MYO9B: variants seen among roughly 807,000 people sequenced by gnomAD.
MYO9B encodes myosin IXB.
MYO9B carries 71 observed loss-of-function variants against 229.5 expected under a neutral mutation model. The ratio of observed to expected loss-of-function variants is 0.31; its 90% CI spans 0.26 to 0.38. The LOEUF (loss-of-function observed/expected upper bound fraction) is 0.38. MYO9B is among the 10% of genes least tolerant of loss of function. The pLI is 1.00. For missense variants in MYO9B, 2,255 were observed against 2,920.5 expected, an observed-to-expected ratio of 0.77 and a Z score of 5.25; for synonymous variants, 1,185 against 1,235.8, an observed-to-expected ratio of 0.96 and a Z score of 0.86.
intron 17 of MYO9B, among the ~76,000 whole-genome samples, chr19:17,185,353 G>T (rs1206505768): frequency 1.4e-5 from 2 of 143,308 alleles, no homozygotes; most frequent in African/African-American, 5.3e-5. Flanking sequence ...CAGCCTGGGC[G>T]ACAGAGCAAG....
intron 8 of MYO9B, among the ~76,000 whole-genome samples, chr19:17,161,417 G>A (rs1042394278): frequency 1.3e-5 from 2 of 152,106 alleles, no homozygotes; most frequent in Non-Finnish European, 1.5e-5. Flanking sequence ...AGTGGCTCAC[G>A]CATGTAATCC....
chr19:17,196,200 G>A (rs1229186643), intron 22 of MYO9B, among the ~76,000 whole-genome samples: 3 of 151,530 alleles, frequency 2.0e-5, no homozygotes, highest in Admixed American at 2.0e-4. Context: ...AAGGATGGAT[G>A]GAAGGAAGAT....
chr19:17,080,110 T>C (rs942081467), intron 1 of MYO9B, among the ~76,000 whole-genome samples: 1 of 152,186 alleles, frequency 6.6e-6, no homozygotes, highest in Non-Finnish European at 1.5e-5. Flanking sequence ...GTTCAGCCCA[T>C]GGGTTCGTCG....
chr19:17,100,694 C>A (rs1395119500), intron 1 of MYO9B, among the ~76,000 whole-genome samples: 1 of 152,082 alleles, frequency 6.6e-6, no homozygotes, highest in African/African-American at 2.4e-5. Flanking sequence ...CTTGGGACCA[C>A]CAGCCATATT....
At chr19:17,206,225 G>GGGGGGCCCCCC in intron 32 of MYO9B, 23 bp from the exon 33 acceptor site, 23 of 1,564,634 alleles carry the variant, frequency 1.5e-5, no homozygotes, top group Non-Finnish European at 1.8e-5. Flanking sequence ...CCGCTCACCA[G>GGGGGGCCCCCC]ACCCACCCCA....
rs370689291 is a variant in MYO9B, at chr19:17,194,943, G to T, written c.3516G>T (p.Glu1172Asp). 45 of 1,613,320 alleles carry T rather than the reference G, an allele frequency of 2.8e-5. No individual in the cohort carries two copies. Among genetic ancestry groups the T allele is most frequent in the Non-Finnish European group, 3.7e-5 (44 of 1,179,898 alleles). Residue 1172 changes from glutamate to aspartate, a missense_variant, in exon 22 of 40, where the codon GAG becomes GAT. Transcript: ENST00000682292. ...AACACATCCAGTCCTGCAAGGAGGA[G>T]AGTGCCCTCAGAGAACCTTCCAGAA... ...QNKHIQSCKE[E>D]SALREPSRRV...
At chr19:17,095,082 T>C (rs1011075661) in intron 1 of MYO9B, among the ~76,000 whole-genome samples, 3 of 152,014 alleles carry the variant, frequency 2.0e-5, no homozygotes, top group East Asian at 1.9e-4. Flanking sequence ...CTACCAAAAA[T>C]AGAAAAATTA....
In MYO9B at chr19:17,154,173, G is replaced by A. The variant is rs900279322; in HGVS notation, c.1098+107G>A. 59 of 1,324,320 alleles carry A rather than the reference G, an allele frequency of 4.5e-5. 2 individuals are homozygous for A. The highest frequency in any genetic ancestry group is 3.9e-4 in the South Asian group (33 of 84,062). The allele number at this position is 1,324,320 out of a possible 1,614,324, so 82.0% of individuals were successfully genotyped here. ...GCAGCCTGCCCTGGCCCCCGAACCC[G>A]CTCCCAGAAGGCAGCATTAAAAGAA... On this transcript the variant is annotated intron_variant, in intron 5 of 39. Transcript: ENST00000682292.
chr19:17,158,819 A>G (rs749247917), intron 7 of MYO9B, among the ~76,000 whole-genome samples: 173 of 152,308 alleles, frequency 1.1e-3, no homozygotes, highest in Non-Finnish European at 2.0e-3. Flanking sequence ...AGGCCTGTAC[A>G]TACACATACC....
intron 2 of MYO9B, among the ~76,000 whole-genome samples, chr19:17,104,858 T>C (rs2057778366): frequency 6.6e-6 from 1 of 152,200 alleles, no homozygotes; most frequent in African/African-American, 2.4e-5. Flanking sequence ...TATTTATATT[T>C]TGCATTCGTG....
chr19:17,159,201 C>G (rs950789792), intron 7 of MYO9B, among the ~76,000 whole-genome samples, 194 bp from the exon 8 acceptor site: 6 of 89,580 alleles, frequency 6.7e-5, no homozygotes, highest in Non-Finnish European at 1.2e-4. Flanking sequence ...CTCAAACAAA[C>G]AAACAAACAA....
intron 22 of MYO9B, among the ~76,000 whole-genome samples, chr19:17,196,777 T>C (rs1250503469): frequency 1.3e-5 from 2 of 150,258 alleles, no homozygotes; most frequent in East Asian, 3.9e-4. Context: ...AGACAATGAA[T>C]GGAGGGATGG....
intron 1 of MYO9B, among the ~76,000 whole-genome samples, chr19:17,097,081 A>C (rs1235579477): frequency 6.6e-6 from 1 of 151,810 alleles, no homozygotes; most frequent in South Asian, 2.1e-4. Flanking sequence ...AGGCGGGTGG[A>C]TCACTTGAAG....
intron 26 of MYO9B, among the ~76,000 whole-genome samples, chr19:17,201,232 CA>C (rs559913065): frequency 1.3e-5 from 2 of 151,282 alleles, no homozygotes; most frequent in African/African-American, 4.9e-5. Flanking sequence ...GACCCTGGCT[CA>C]AAAAAAATAA....
intron 17 of MYO9B, among the ~76,000 whole-genome samples, 192 bp from the exon 18 acceptor site, chr19:17,185,729 G>T (rs2072912437): frequency 6.6e-6 from 1 of 152,022 alleles, no homozygotes; most frequent in African/African-American, 2.4e-5. Context: ...TCCCTCGAGG[G>T]TTTCCAGGGA....
intron 14 of MYO9B, among the ~76,000 whole-genome samples, chr19:17,178,934 G>A (rs1019657375): frequency 2.0e-5 from 3 of 151,554 alleles, no homozygotes; most frequent in African/African-American, 7.3e-5. Flanking sequence ...GGGAGGCTGA[G>A]GCAGGAGAAT....
At chr19:17,113,097 TGTCA>T (rs1464942557) in intron 2 of MYO9B, among the ~76,000 whole-genome samples, 1 of 152,204 alleles carries the variant, frequency 6.6e-6, no homozygotes, top group African/African-American at 2.4e-5. Flanking sequence ...CCCGTCTGTC[TGTCA>T]AAGGGTCCAG....
At position 17,200,788 on chromosome 19, in the gene MYO9B, G is replaced by A. The variant is rs1229704061; in HGVS notation, c.4522G>A (p.Ala1508Thr). ...RESVFRQITN[A>T]NELKYLDEFL... ...ATCGGTGTTCCGCCAGATCACCAAC[G>A]CCAATGAGCTCAAGTACCTGGACGA... is the stretch of plus-strand genomic sequence containing the variant. Residue 1508 changes from alanine to threonine, a missense_variant, in exon 26 of 40, where the codon GCC (alanine) becomes ACC (threonine). By Grantham distance (58) the Ala-to-Thr change is moderately conservative. Transcript: ENST00000682292. 7 of 1,613,900 alleles carry A rather than the reference G, an allele frequency of 4.3e-6. No homozygotes were observed. Among genetic ancestry groups the A allele is most frequent in the South Asian group, 1.1e-5 (1 of 91,084 alleles).
At position 17,116,159 on chromosome 19, in the gene MYO9B, G is replaced by A. The variant is rs547733867; in HGVS notation, c.840+13602G>A. The stretch of plus-strand genomic sequence containing the variant: ...ATCAGCAGGCCCCATCTCTTGAAGG[G>A]TTTCCAGCTGCCTCCTGGGCTCTGA... On this transcript the variant is annotated intron_variant, in intron 2 of 39. Transcript: ENST00000682292. Among the ~76,000 whole-genome samples, 6 of 152,310 alleles carry A rather than the reference G, an allele frequency of 3.9e-5. No homozygotes were observed. The South Asian group carries it at 1.2e-3, about 32-fold the overall frequency.
Sources: gnomAD v4.1 joint callset for allele counts (sites outside exome capture counted in the v4.1 genomes callset) on GRCh38, gnomAD v4.1.1 for gene constraint, MANE v1.5 for transcripts, NCBI Gene and HGNC (gene_info 2026-07-23, HGNC 2026-07-21) for gene names.